HTR2B: variants seen among roughly 807,000 people sequenced by gnomAD.
HTR2B encodes the protein 5-HT 2B receptor.
A neutral mutation model predicts 39.8 loss-of-function variants in HTR2B; 31 were observed. The observed-to-expected ratio is 0.78, with a 90% CI of 0.58 to 1.05. HTR2B has a LOEUF of 1.05. HTR2B is among the 50% of genes least tolerant of loss of function. The pLI is 0.00. For synonymous variants in HTR2B, 210 were observed against 207.1 expected, an observed-to-expected ratio of 1.01 and a Z score of -0.12; for missense variants, 562 against 578.0, an observed-to-expected ratio of 0.97 and a Z score of 0.28.
chr2:231,115,203 A>AG (rs1415332262), intron 2 of HTR2B, among the ~76,000 whole-genome samples: 1 of 151,922 alleles, frequency 6.6e-6, no homozygotes, highest in Non-Finnish European at 1.5e-5. Context: ...AAAAAAAAAA[A>AG]GCATAATTTA....
Position 231,108,876 on chromosome 2 carries a change from C to G in HTR2B, c.1087G>C (p.Glu363Gln). The change falls in exon 4 of 4, where the codon GAG becomes CAG. Residue 363 changes from glutamate to glutamine, a missense_variant. Coordinates refer to ENST00000258400, the MANE Select transcript of HTR2B (RefSeq NM_000867.5). Reference protein sequence around the residue: ...CNQTTLQMLLEIFVWIGYVSS... With the variant: ...CNQTTLQMLLQIFVWIGYVSS... ...ACATAGCCTATCCACACAAATATCTCCAGGAGCATTTGGAGAGTAGTTTGG... is the reference window on the plus strand; with the variant it reads ...ACATAGCCTATCCACACAAATATCTGCAGGAGCATTTGGAGAGTAGTTTGG... The G allele has an allele frequency of 6.2e-7, 1 of 1,614,060 alleles. No individual in the cohort carries two copies.
At position 231,108,379 on chromosome 2, in the gene HTR2B, T is replaced by C; in HGVS notation, c.*138A>G. 1.5e-6 allele frequency: 1 copy of C among 667,434 alleles called. No homozygotes were observed. The highest frequency in any genetic ancestry group is 2.7e-5 in the East Asian group (1 of 36,506). 41.3% of individuals were successfully genotyped at this position (667,434 alleles called of 1,614,324 possible). On this transcript the variant is annotated 3_prime_UTR_variant, in exon 4 of 4. Coordinates refer to ENST00000258400, the MANE Select transcript of HTR2B (RefSeq NM_000867.5). ...TTGTCCAAATTAGGAAAATTAGATA[T>C]TCTTAATACTTACATCTTAGGTTAA... is the stretch of plus-strand genomic sequence containing the variant.
At chr2:231,111,320 G>A (rs1695149542) in intron 3 of HTR2B, among the ~76,000 whole-genome samples, 1 of 152,114 alleles carries the variant, frequency 6.6e-6, no homozygotes, top group South Asian at 2.1e-4. Context: ...TCTGTTTCCT[G>A]TTATTTTTAT....
intron 2 of HTR2B, among the ~76,000 whole-genome samples, chr2:231,119,963 T>C (rs1461682292): frequency 6.6e-6 from 1 of 150,922 alleles, no homozygotes; most frequent in African/African-American, 2.4e-5. Context: ...TTTTTTTTTT[T>C]TTTCCCTGAG....
Position 231,114,690 on chromosome 2 carries a change from A to C in HTR2B, c.353-761T>G, listed in dbSNP as rs1001832223. On this transcript the variant is annotated intron_variant, in intron 2 of 3. Coordinates refer to ENST00000258400, the MANE Select transcript of HTR2B (RefSeq NM_000867.5). ...ACTCTTATAAAACACTGCATACTTCATATAGTCTTAAGCACTTTAGAAATA... is the reference window on the plus strand; with the variant it reads ...ACTCTTATAAAACACTGCATACTTCCTATAGTCTTAAGCACTTTAGAAATA... 2.0e-5 allele frequency among the ~76,000 whole-genome samples: 3 copies of C among 152,202 alleles called. No individual in the cohort carries two copies. The East Asian group carries it at 5.8e-4, about 29-fold the overall frequency.
chr2:231,111,148 G>A (rs576559470), intron 3 of HTR2B, among the ~76,000 whole-genome samples: 2 of 151,890 alleles, frequency 1.3e-5, no homozygotes, highest in Non-Finnish European at 2.9e-5. Context: ...CATCCCATTC[G>A]TGACCCTTCT....
chr2:231,118,942 C>T (rs1387361411), intron 2 of HTR2B, among the ~76,000 whole-genome samples: 1 of 152,124 alleles, frequency 6.6e-6, no homozygotes, highest in African/African-American at 2.4e-5. Context: ...ATACATTTAT[C>T]TCAGAAATTC....
intron 2 of HTR2B, among the ~76,000 whole-genome samples, chr2:231,121,488 A>G (rs1481322876): frequency 6.6e-6 from 1 of 152,222 alleles, no homozygotes; most frequent in Admixed American, 6.5e-5. Context: ...TTATGTTAAC[A>G]TATGTTGGGT....
Position 231,113,854 on chromosome 2 carries a change from A to G in HTR2B, c.428T>C (p.Ile143Thr). Residue 143 changes from isoleucine to threonine, a missense_variant, in exon 3 of 4, where the codon ATC becomes ACC. Ile to Thr is a moderately conservative substitution (Grantham distance 89, BLOSUM62 -1). Transcript: ENST00000258400. ...CACTGAAATGGCACAGAGATGCATGATGGATGCGGTTGAAAAGAGAACGTC... is the reference window on the plus strand; with the variant it reads ...CACTGAAATGGCACAGAGATGCATGGTGGATGCGGTTGAAAAGAGAACGTC... ...FLDVLFSTAS[I>T]MHLCAISVDR... 1.2e-6 allele frequency: 2 copies of G among 1,614,152 alleles called. No individual in the cohort carries two copies. Among genetic ancestry groups the G allele is most frequent in the Non-Finnish European group, 1.7e-6 (2 of 1,179,990 alleles).
intron 2 of HTR2B, 42 bp from the exon 3 acceptor site, chr2:231,113,971 A>G: frequency 6.5e-7 from 1 of 1,546,156 alleles, no homozygotes; most frequent in Non-Finnish European, 8.9e-7. Flanking sequence ...ATTCTATAAA[A>G]TGGCAACTTT....
chr2:231,121,396 TAATAAACATTTGG>T lies in HTR2B; in HGVS notation c.352+2004_352+2016del, dbSNP rs201321302. Reference sequence around the variant, plus strand: ...AAATAAATAAAAATAAATTTAAAGTTAATAAACATTTGGAAGAATGAAATAATATTAAAATGTC... The same window carrying T: ...AAATAAATAAAAATAAATTTAAAGTTAAGAATGAAATAATATTAAAATGTC... On this transcript the variant is annotated intron_variant, in intron 2 of 3. Transcript: ENST00000258400. 7.7e-4 allele frequency among the ~76,000 whole-genome samples: 117 copies of T among 152,244 alleles called. No homozygotes were observed. In the East Asian group the frequency reaches 0.019, roughly 25 times the overall value.
At chr2:231,120,711 G>A (rs1056333095) in intron 2 of HTR2B, among the ~76,000 whole-genome samples, 3 of 152,050 alleles carry the variant, frequency 2.0e-5, no homozygotes, top group Non-Finnish European at 2.9e-5. Flanking sequence ...ATTAGACTAC[G>A]AGCTAGTATA....
chr2:231,124,042 G>A lies in HTR2B; in HGVS notation c.-278C>T, dbSNP rs2125234226. On this transcript the variant is annotated 5_prime_UTR_variant, in exon 2 of 4. Coordinates refer to ENST00000258400, the MANE Select transcript of HTR2B (RefSeq NM_000867.5). ...GAAACTGATAGCTGTGAAAAAAATAGGATATATATATATTTTTAGTTTCTC... is the reference window on the plus strand; with the variant it reads ...GAAACTGATAGCTGTGAAAAAAATAAGATATATATATATTTTTAGTTTCTC... 1 of 364,682 alleles carries A rather than the reference G, an allele frequency of 2.7e-6. No homozygotes were observed. Among genetic ancestry groups the A allele is most frequent in the African/African-American group, 2.1e-5 (1 of 48,580 alleles). The allele number at this position is 364,682 out of a possible 1,614,324, so 22.6% of individuals were successfully genotyped here.
intron 1 of HTR2B, among the ~76,000 whole-genome samples, chr2:231,124,697 T>C (rs1471721963): frequency 2.0e-5 from 3 of 152,216 alleles, no homozygotes; most frequent in Non-Finnish European, 4.4e-5. Flanking sequence ...TTTGCCAAAT[T>C]CAAACCAGTT....
At chr2:231,124,788 G>A (rs558120385) in intron 1 of HTR2B, among the ~76,000 whole-genome samples, 184 bp downstream of exon 1, 3 of 152,102 alleles carry the variant, frequency 2.0e-5, no homozygotes, top group African/African-American at 7.2e-5. Context: ...AGGAAGATTA[G>A]ACCATTTATT....
In HTR2B at chr2:231,108,464, A is replaced by G; in HGVS notation, c.*53T>C. The G allele has an allele frequency of 1.5e-6, 2 of 1,299,870 alleles. No individual in the cohort carries two copies. The highest frequency in any genetic ancestry group is 2.2e-6 in the Non-Finnish European group (2 of 898,788). The allele number at this position is 1,299,870 out of a possible 1,614,324, so 80.5% of individuals were successfully genotyped here. A position where few individuals can be genotyped will look rare whatever the true frequency, so the allele number is the denominator to read the frequency against. ...TATAATATATTCTTGGCACATTTAC[A>G]TCTCATTCATCATCTTACTCATCAT... On this transcript the variant is annotated 3_prime_UTR_variant, in exon 4 of 4. Transcript: ENST00000258400.
At position 231,123,970 on chromosome 2, in the gene HTR2B, G is replaced by C. The variant is rs1033693716; in HGVS notation, c.-206C>G. 3.6e-6 allele frequency: 2 copies of C among 555,234 alleles called. No individual in the cohort carries two copies. The highest frequency in any genetic ancestry group is 4.7e-4 in the Middle Eastern group (1 of 2,116). The allele number at this position is 555,234 out of a possible 1,614,324, so 34.4% of individuals were successfully genotyped here. On this transcript the variant is annotated 5_prime_UTR_variant, in exon 2 of 4. Transcript: ENST00000258400. ...CCATGTTTGTAGGTAAGATATCCAA[G>C]TATTTATTATTTTCTAGAGGCTTAA...
intron 2 of HTR2B, among the ~76,000 whole-genome samples, chr2:231,119,271 CA>C (rs1695448441): frequency 6.6e-6 from 1 of 152,120 alleles, no homozygotes; most frequent in Non-Finnish European, 1.5e-5. Context: ...TACTGCTATA[CA>C]TTTGTTTCAT....
Position 231,110,093 on chromosome 2 carries a change from G to A in HTR2B, c.554-684C>T, listed in dbSNP as rs935979487. Reference sequence around the variant, plus strand: ...CAGCACTTTGGGAGGCCAAGTGGGGGTGGATTACTTGAGGTCAGGAGTTTG... The same window carrying A: ...CAGCACTTTGGGAGGCCAAGTGGGGATGGATTACTTGAGGTCAGGAGTTTG... On this transcript the variant is annotated intron_variant, in intron 3 of 3. Transcript: ENST00000258400. Among the ~76,000 whole-genome samples, 4 of 152,166 alleles carry A rather than the reference G, an allele frequency of 2.6e-5. No homozygotes were observed. The East Asian group carries it at 7.7e-4, about 29-fold the overall frequency.
Sources: allele counts gnomAD v4.1 joint callset (sites outside exome capture counted in the v4.1 genomes callset), GRCh38; gene constraint gnomAD v4.1.1; transcripts MANE v1.5; gene names NCBI Gene and HGNC (gene_info 2026-07-23, HGNC 2026-07-21).